The following CDH12 variants were observed in gnomAD, a reference collection of about 807,000 sequenced individuals.
CDH12 encodes cadherin 12.
CDH12 carries 41 observed loss-of-function variants against 74.1 expected under a neutral mutation model. The observed-to-expected ratio is 0.55, with a 90% CI of 0.43 to 0.72. The LOEUF is 0.72. Ranked by LOEUF, CDH12 falls within the 30% of genes least tolerant of loss-of-function variation. The pLI is 0.00. For missense variants in CDH12, 945 were observed against 977.2 expected (o/e 0.97, Z 0.44); for synonymous variants, 399 against 355.0 (o/e 1.12, Z -1.39).
chr5:21,815,624 C>A (rs1747999125), intron 9 of CDH12, among the ~76,000 whole-genome samples: 1 of 152,044 alleles, frequency 6.6e-6, no homozygotes, highest in African/African-American at 2.4e-5. Flanking sequence ...CGCAGTCTGT[C>A]TTTCTCTCTC....
chr5:22,626,138 A>AC (rs1259983099), intron 1 of CDH12, among the ~76,000 whole-genome samples: 109 of 150,406 alleles, frequency 7.2e-4, no homozygotes, highest in Middle Eastern at 6.9e-3. Context: ...TTGGCACCCT[A>AC]CCCCCCCCAA....
intron 1 of CDH12, among the ~76,000 whole-genome samples, chr5:22,521,527 C>A (rs893346815): frequency 6.6e-6 from 1 of 152,058 alleles, no homozygotes; most frequent in Admixed American, 6.6e-5. Context: ...CTATACCATG[C>A]TAAAAAGTAA....
In CDH12 at chr5:22,236,936, C is replaced by G. The variant is rs564796480; in HGVS notation, c.-332-24293G>C. On this transcript the variant is annotated intron_variant, in intron 3 of 14. Transcript: ENST00000382254. Reference sequence around the variant, plus strand: ...CTTCTTCTGGAATACCTCCTGAAGGCCCTGCTTGAGGCTGTTTTATGGCTC... The same window carrying G: ...CTTCTTCTGGAATACCTCCTGAAGGGCCTGCTTGAGGCTGTTTTATGGCTC... 6.0e-5 allele frequency among the ~76,000 whole-genome samples: 9 copies of G among 149,934 alleles called. No homozygotes were observed. The South Asian group carries it at 1.1e-3, about 18-fold the overall frequency.
intron 2 of CDH12, among the ~76,000 whole-genome samples, chr5:22,492,094 T>A (rs955246058): frequency 6.6e-6 from 1 of 152,116 alleles, no homozygotes; most frequent in African/African-American, 2.4e-5. Context: ...ATTAAGCCCA[T>A]AACAGTTGAC....
intron 4 of CDH12, among the ~76,000 whole-genome samples, chr5:22,106,301 G>C (rs1014447805): frequency 6.6e-6 from 1 of 152,058 alleles, no homozygotes; most frequent in African/African-American, 2.4e-5. Flanking sequence ...AGATTTCTCT[G>C]TGTTTTGTCT....
intron 3 of CDH12, among the ~76,000 whole-genome samples, chr5:22,389,740 C>T (rs1742149714): frequency 4.6e-5 from 7 of 151,334 alleles, no homozygotes; most frequent in South Asian, 2.1e-4. Flanking sequence ...CTCCGCCTCC[C>T]GGGTTCACGC....
intron 1 of CDH12, among the ~76,000 whole-genome samples, chr5:22,691,960 A>G (rs561106038): frequency 1.3e-5 from 2 of 152,212 alleles, no homozygotes; most frequent in African/African-American, 2.4e-5. Context: ...TCCCATTAAC[A>G]TAATTACCTA....
At chr5:22,183,653 C>T (rs778666504) in intron 4 of CDH12, among the ~76,000 whole-genome samples, 17 of 152,128 alleles carry the variant, frequency 1.1e-4, no homozygotes, top group Non-Finnish European at 1.9e-4. Context: ...AGAATTCTCC[C>T]TGACCTTGCC....
In CDH12 at chr5:22,605,623, C is replaced by T. The variant is rs539174659; in HGVS notation, c.-522-100259G>A. On this transcript the variant is annotated intron_variant, in intron 1 of 14. Transcript: ENST00000382254. The stretch of plus-strand genomic sequence containing the variant: ...GGCCTGGTCCAGGGTCTGCTGACCT[C>T]AGGTGCATCCCATCCCCAGCTGGGC... Among the ~76,000 whole-genome samples, 140 of 152,324 alleles carry T rather than the reference C, an allele frequency of 9.2e-4. 1 individual carries two copies. Among genetic ancestry groups the T allele is most frequent in the Non-Finnish European group, 1.7e-3 (119 of 68,030 alleles).
At chr5:22,027,795 T>A (rs1397869025) in intron 5 of CDH12, among the ~76,000 whole-genome samples, 1 of 152,152 alleles carries the variant, frequency 6.6e-6, no homozygotes, top group Non-Finnish European at 1.5e-5. Context: ...TTTGAAGGGT[T>A]TTTTGTGTCT....
chr5:22,463,977 C>T (rs906976350), intron 2 of CDH12, among the ~76,000 whole-genome samples: 1 of 151,992 alleles, frequency 6.6e-6, no homozygotes, highest in African/African-American at 2.4e-5. Flanking sequence ...GGTTGTATTC[C>T]CACCCAAATC....
chr5:22,640,683 TATC>T (rs886383033), intron 1 of CDH12, among the ~76,000 whole-genome samples: 1 of 152,140 alleles, frequency 6.6e-6, no homozygotes, highest in Non-Finnish European at 1.5e-5. Context: ...CCTGAAAAAA[TATC>T]ATATGACTTT....
chr5:22,416,821 G>A (rs955575058), intron 2 of CDH12, among the ~76,000 whole-genome samples: 1 of 152,128 alleles, frequency 6.6e-6, no homozygotes, highest in Non-Finnish European at 1.5e-5. Context: ...AATTGAAAGA[G>A]ACTAAGTTTA....
chr5:22,728,459 T>C (rs1013017197), intron 1 of CDH12, among the ~76,000 whole-genome samples: 1 of 151,940 alleles, frequency 6.6e-6, no homozygotes, highest in East Asian at 1.9e-4. Flanking sequence ...GCTTTATCTA[T>C]TTATATTTCG....
intron 4 of CDH12, among the ~76,000 whole-genome samples, chr5:22,096,020 AG>A (rs1743759554): frequency 6.7e-6 from 1 of 149,300 alleles, no homozygotes; most frequent in Admixed American, 6.7e-5. Context: ...GCTTTTCTGG[AG>A]GGTAAGAACC....
chr5:22,783,895 C>G (rs187620461), intron 1 of CDH12, among the ~76,000 whole-genome samples: 36 of 152,132 alleles, frequency 2.4e-4, no homozygotes, highest in African/African-American at 8.4e-4. Context: ...TAGCGATTCT[C>G]CTCCCTGCTT....
intron 3 of CDH12, among the ~76,000 whole-genome samples, chr5:22,401,198 A>G (rs1742715762): frequency 6.6e-6 from 1 of 152,150 alleles, no homozygotes; most frequent in African/African-American, 2.4e-5. Context: ...TCCTGCACAA[A>G]ACATGTACGA....
intron 5 of CDH12, among the ~76,000 whole-genome samples, chr5:22,040,747 C>A (rs1383400662): frequency 1.3e-5 from 2 of 151,978 alleles, no homozygotes; most frequent in Non-Finnish European, 2.9e-5. Flanking sequence ...TTTCCTCAAA[C>A]AAGTAAAAGA....
chr5:22,587,247 C>A (rs1294304290), intron 1 of CDH12, among the ~76,000 whole-genome samples: 1 of 152,020 alleles, frequency 6.6e-6, no homozygotes, highest in Non-Finnish European at 1.5e-5. Context: ...ATGGGGTATT[C>A]ACTTGCCCCT....
Sources: allele counts gnomAD v4.1 joint callset (sites outside exome capture counted in the v4.1 genomes callset), GRCh38; gene constraint gnomAD v4.1.1; transcripts MANE v1.5; gene names NCBI Gene and HGNC (gene_info 2026-07-23, HGNC 2026-07-21).